The following CCDC148 variants were observed in gnomAD, a reference collection of about 807,000 sequenced individuals.
CCDC148 encodes coiled-coil domain-containing protein 148.
Under a neutral mutation model 85.7 loss-of-function variants are expected in CCDC148, and 89 were observed. The ratio of observed to expected loss-of-function variants is 1.04; its 90% confidence interval spans 0.87 to 1.24. The LOEUF is 1.24. Among genes scored for constraint, CCDC148 ranks in the 50% most tolerant of loss-of-function variants. The pLI is 0.00. For missense variants in CCDC148, 692 were observed against 671.7 expected (o/e 1.03, Z -0.33); for synonymous variants, 230 against 213.9 (o/e 1.08, Z -0.66).
intron 9 of CCDC148, among the ~76,000 whole-genome samples, chr2:158,289,597 G>A (rs1325280804): frequency 2.0e-5 from 3 of 152,160 alleles, no homozygotes; most frequent in Non-Finnish European, 4.4e-5. Context: ...CATTCACAAG[G>A]ATGTGGAACA....
chr2:158,220,548 C>T, intron 11 of CCDC148, 47 bp downstream of exon 11: 1 of 1,274,540 alleles, frequency 7.8e-7, no homozygotes, highest in Non-Finnish European at 1.1e-6. Context: ...TTACAAAAGA[C>T]TCCATTCACC....
chr2:158,349,904 G>C (rs1683176084), intron 2 of CCDC148, among the ~76,000 whole-genome samples: 1 of 152,042 alleles, frequency 6.6e-6, no homozygotes, highest in African/African-American at 2.4e-5. Flanking sequence ...TGAATCTACG[G>C]AGACTAAAAA....
At chr2:158,442,169 A>G (rs1687962750) in intron 1 of CCDC148, among the ~76,000 whole-genome samples, 1 of 152,216 alleles carries the variant, frequency 6.6e-6, no homozygotes, top group Admixed American at 6.5e-5. Context: ...TAAAGGTAGT[A>G]TTGAAAATAA....
intron 1 of CCDC148, among the ~76,000 whole-genome samples, chr2:158,371,355 T>C (rs1056159428): frequency 6.6e-6 from 1 of 151,986 alleles, no homozygotes; most frequent in Non-Finnish European, 1.5e-5. Flanking sequence ...AAATAAGTAG[T>C]TTAGTTTAAA....
intron 11 of CCDC148, among the ~76,000 whole-genome samples, chr2:158,195,283 T>C (rs1558972294): frequency 6.6e-6 from 1 of 152,110 alleles, no homozygotes; most frequent in Non-Finnish European, 1.5e-5. Context: ...CATTGGCTTA[T>C]ATTATTGTCT....
At chr2:158,417,994 T>C (rs1223903393) in intron 1 of CCDC148, among the ~76,000 whole-genome samples, 2 of 152,264 alleles carry the variant, frequency 1.3e-5, no homozygotes, top group South Asian at 2.1e-4. Context: ...AAAACAACTA[T>C]ATTTAAATAC....
chr2:158,368,780 T>C (rs796753583), intron 1 of CCDC148, among the ~76,000 whole-genome samples: 13 of 152,140 alleles, frequency 8.5e-5, no homozygotes, highest in African/African-American at 2.9e-4. Context: ...TTTTGTAAAA[T>C]AGATAAATAA....
At chr2:158,408,043 C>T (rs761416281) in intron 1 of CCDC148, among the ~76,000 whole-genome samples, 3 of 152,042 alleles carry the variant, frequency 2.0e-5, no homozygotes, top group Admixed American at 2.0e-4. Context: ...TTTCAAGTTC[C>T]ATTCAAAACA....
intron 11 of CCDC148, among the ~76,000 whole-genome samples, chr2:158,200,902 T>C (rs1685921380): frequency 6.6e-6 from 1 of 152,196 alleles, no homozygotes; most frequent in Non-Finnish European, 1.5e-5. Context: ...AAAAATGTTA[T>C]TTTCTAAATC....
chr2:158,340,160 A>G, intron 5 of CCDC148, 82 bp downstream of exon 5: 2 of 1,214,886 alleles, frequency 1.6e-6, no homozygotes, highest in East Asian at 2.4e-5. Flanking sequence ...CAGGTCACAC[A>G]TGTTTGTTTC....
At chr2:158,417,103 C>T (rs1386594797) in intron 1 of CCDC148, among the ~76,000 whole-genome samples, 2 of 152,144 alleles carry the variant, frequency 1.3e-5, no homozygotes, top group African/African-American at 2.4e-5. Context: ...GGGAATTCCA[C>T]CCTCATGACC....
intron 9 of CCDC148, among the ~76,000 whole-genome samples, chr2:158,309,118 T>C (rs112164018): frequency 6.6e-6 from 1 of 152,210 alleles, no homozygotes; most frequent in Non-Finnish European, 1.5e-5. Flanking sequence ...ACAGTAACTT[T>C]ATCATTACAC....
intron 1 of CCDC148, chr2:158,424,734 G>C (rs923423599): frequency 4.7e-6 from 1 of 210,736 alleles, no homozygotes; most frequent in African/African-American, 2.4e-5. Flanking sequence ...AAAAGGGAAA[G>C]AATCCCCCAA....
intron 2 of CCDC148, among the ~76,000 whole-genome samples, chr2:158,350,207 T>C (rs13384752): frequency 0.35 from 52,766 of 151,996 alleles, 9,396 homozygotes; most frequent in African/African-American, 0.43. Flanking sequence ...TGATATTAAA[T>C]TGTAAAAACC....
intron 7 of CCDC148, among the ~76,000 whole-genome samples, chr2:158,318,480 G>T (rs984808663): frequency 2.0e-5 from 3 of 152,136 alleles, no homozygotes; most frequent in Non-Finnish European, 4.4e-5. Context: ...AAGATAGCAG[G>T]GTTCTAAAAG....
intron 2 of CCDC148, among the ~76,000 whole-genome samples, chr2:158,352,980 T>C (rs940964452): frequency 4.7e-5 from 7 of 149,700 alleles, no homozygotes; most frequent in Non-Finnish European, 1.0e-4. Context: ...CAAACTAAGC[T>C]TCATAAGTGA....
At chr2:158,315,805 C>G (rs1692253573) in intron 7 of CCDC148, among the ~76,000 whole-genome samples, 1 of 152,152 alleles carries the variant, frequency 6.6e-6, no homozygotes. Flanking sequence ...CACCCTCTTT[C>G]AAAGGCCAAC....
intron 1 of CCDC148, among the ~76,000 whole-genome samples, chr2:158,421,366 A>G (rs1442757682): frequency 6.6e-6 from 1 of 152,210 alleles, no homozygotes; most frequent in Admixed American, 6.5e-5. Context: ...AATGTCAAAG[A>G]ATAGAAATTA....
chr2:158,201,248 T>C (rs1685938780), intron 11 of CCDC148, among the ~76,000 whole-genome samples: 1 of 152,180 alleles, frequency 6.6e-6, no homozygotes, highest in Non-Finnish European at 1.5e-5. Flanking sequence ...CCTAGTCCTG[T>C]TAATATTAAT....
Sources: allele counts gnomAD v4.1 joint callset (sites outside exome capture counted in the v4.1 genomes callset), GRCh38; gene constraint gnomAD v4.1.1; transcripts MANE v1.5; gene names NCBI Gene and HGNC (gene_info 2026-07-23, HGNC 2026-07-21).